The following CFAP97D2 variants were observed in gnomAD, a reference collection of about 807,000 sequenced individuals.
CFAP97D2 encodes the protein CFAP97 domain containing 2.
At position 114,186,711 on chromosome 13, in the gene CFAP97D2, A is replaced by G. The variant is rs1328949094; in HGVS notation, c.90+7291A>G. 6.6e-6 allele frequency among the ~76,000 whole-genome samples: 1 copy of G among 152,240 alleles called. No homozygotes were observed. The highest frequency in any genetic ancestry group is 2.4e-5 in the African/African-American group (1 of 41,464). On this transcript the variant is annotated intron_variant, in intron 1 of 4. Coordinates refer to ENST00000646158, the Ensembl canonical transcript of CFAP97D2. This position sits in a 1 kb window ranked among gnomAD's most constrained non-coding sequence, Gnocchi z 4.3. The stretch of plus-strand genomic sequence containing the variant: ...GCCAACTATGGAAGCTTCTTGCAGT[A>G]TGCCTGGTCCAGGCACAGCCTCGCA...
chr13:114,181,237 C>T (rs1322689213), intron 1 of CFAP97D2, among the ~76,000 whole-genome samples: 1 of 152,174 alleles, frequency 6.6e-6, no homozygotes, highest in East Asian at 1.9e-4. Context: ...TGCTGTTGGG[C>T]ACAGCTGACC....
intron 4 of CFAP97D2, among the ~76,000 whole-genome samples, chr13:114,215,463 G>C (rs963394317): frequency 1.3e-5 from 2 of 152,270 alleles, no homozygotes; most frequent in Middle Eastern, 6.8e-3. Context: ...GCCATACACA[G>C]AAAGGGCTCT....
Position 114,187,346 on chromosome 13 carries a change from T to C in CFAP97D2, c.90+7926T>C, listed in dbSNP as rs943495907. 2.0e-4 allele frequency among the ~76,000 whole-genome samples: 30 copies of C among 148,414 alleles called. No individual in the cohort carries two copies. Among genetic ancestry groups the C allele is most frequent in the African/African-American group, 7.5e-4 (30 of 40,096 alleles). On this transcript the variant is annotated intron_variant, in intron 1 of 4. Coordinates refer to ENST00000646158, the Ensembl canonical transcript of CFAP97D2. The surrounding 1 kb of genome is among the most constrained non-coding windows in gnomAD (Gnocchi z 4.2). ...AACTATATTAATCACTTTGTAAGAG[T>C]AGATTAAAAAAAAAAGGCCCAACTA...
intron 1 of CFAP97D2, among the ~76,000 whole-genome samples, chr13:114,195,094 C>G (rs941254738): frequency 1.3e-5 from 2 of 152,182 alleles, no homozygotes; most frequent in South Asian, 2.1e-4. Context: ...ATCTTGCCAC[C>G]TCCCCGCCCA....
At chr13:114,196,043 A>T (rs1281478124) in intron 1 of CFAP97D2, among the ~76,000 whole-genome samples, 1 of 147,260 alleles carries the variant, frequency 6.8e-6, no homozygotes, top group Non-Finnish European at 1.5e-5. Context: ...AGATTGCGCC[A>T]CTATGCTCCA....
At chr13:114,192,319 T>C (rs2080872674) in intron 1 of CFAP97D2, among the ~76,000 whole-genome samples, 4 of 152,194 alleles carry the variant, frequency 2.6e-5, no homozygotes, top group Admixed American at 2.6e-4. Flanking sequence ...AGGTTATGCA[T>C]GTGTGGATGC....
intron 3 of CFAP97D2, among the ~76,000 whole-genome samples, chr13:114,204,322 C>T (rs187105024): frequency 3.5e-4 from 54 of 152,240 alleles, no homozygotes; most frequent in Non-Finnish European, 6.5e-4. Context: ...GAGCTGTTTG[C>T]GCAGGAGGGC....
chr13:114,210,618 A>C (rs7335160), intron 3 of CFAP97D2, among the ~76,000 whole-genome samples: 42,217 of 151,672 alleles, frequency 0.28, 7,783 homozygotes, highest in East Asian at 0.55. Flanking sequence ...TCTGTCCTCC[A>C]TGGGCAACGT....
intron 3 of CFAP97D2, among the ~76,000 whole-genome samples, chr13:114,201,231 T>A (rs892768744): frequency 6.6e-6 from 1 of 152,218 alleles, no homozygotes; most frequent in African/African-American, 2.4e-5. Flanking sequence ...CATGGCCCTT[T>A]CCCTGTAAGT....
rs1033697759 is a variant in CFAP97D2 at position 114,222,436 on chromosome 13, G to A, written c.481-62G>A. Reference sequence around the variant, plus strand: ...TTGAAATATTCCATTTCCCAAGTAAGTTGATAGTTTCTTGTTCTTGCCTAA... The same window carrying A: ...TTGAAATATTCCATTTCCCAAGTAAATTGATAGTTTCTTGTTCTTGCCTAA... On this transcript the variant is annotated intron_variant, in intron 4 of 4. Transcript: ENST00000646158. The surrounding 1 kb of genome is among the most constrained non-coding windows in gnomAD (Gnocchi z 4.4). The A allele has an allele frequency of 2.5e-6, 1 of 398,456 alleles. No individual in the cohort carries two copies. The highest frequency in any genetic ancestry group is 2.1e-5 in the African/African-American group (1 of 48,640). The allele number at this position is 398,456 out of a possible 1,614,324, so 24.7% of individuals were successfully genotyped here.
intron 1 of CFAP97D2, among the ~76,000 whole-genome samples, chr13:114,188,834 G>A (rs1202380152): frequency 6.8e-6 from 1 of 147,866 alleles, no homozygotes; most frequent in Non-Finnish European, 1.5e-5. Context: ...TAGAAGTAAA[G>A]AAATAATAAA....
intron 1 of CFAP97D2, among the ~76,000 whole-genome samples, chr13:114,182,481 GACCCTTT>G (rs1305530196): frequency 5.9e-5 from 9 of 151,904 alleles, no homozygotes; most frequent in African/African-American, 1.9e-4. Flanking sequence ...CCTCAGCACA[GACCCTTT>G]ACCGGTGTCG....
intron 1 of CFAP97D2, among the ~76,000 whole-genome samples, chr13:114,180,671 T>A (rs117950265): frequency 1.3e-5 from 2 of 152,334 alleles, no homozygotes; most frequent in South Asian, 2.1e-4. Context: ...AGTGAGCACT[T>A]GGTCAACCGT....
intron 3 of CFAP97D2, among the ~76,000 whole-genome samples, chr13:114,206,617 C>A (rs953999321): frequency 3.3e-5 from 5 of 152,142 alleles, no homozygotes; most frequent in Non-Finnish European, 7.3e-5. Flanking sequence ...TGAAACAAAT[C>A]TATAGAAACA....
intron 4 of CFAP97D2, among the ~76,000 whole-genome samples, chr13:114,219,249 G>T (rs2081009112): frequency 6.6e-6 from 1 of 152,030 alleles, no homozygotes; most frequent in Non-Finnish European, 1.5e-5. Context: ...GCATAATTTT[G>T]CATTTTAACC....
chr13:114,181,426 G>A (rs532305674), intron 1 of CFAP97D2, among the ~76,000 whole-genome samples: 3 of 152,166 alleles, frequency 2.0e-5, no homozygotes, highest in South Asian at 2.1e-4. Flanking sequence ...GCCGTCCCAC[G>A]GGGGTAGGGC....
chr13:114,184,801 G>C (rs2080849180), intron 1 of CFAP97D2, among the ~76,000 whole-genome samples: 1 of 152,118 alleles, frequency 6.6e-6, no homozygotes, highest in Admixed American at 6.5e-5. Flanking sequence ...CATCAGAGCA[G>C]GAATAAGCAA....
intron 1 of CFAP97D2, among the ~76,000 whole-genome samples, chr13:114,183,593 T>G (rs1467087052): frequency 6.6e-6 from 1 of 152,162 alleles, no homozygotes; most frequent in African/African-American, 2.4e-5. Flanking sequence ...GATTGCTCCT[T>G]GTTGCTGCAT....
chr13:114,199,743 G>T (rs373672873), intron 2 of CFAP97D2: 50 of 145,054 alleles, frequency 3.4e-4, no homozygotes, highest in Non-Finnish European at 7.1e-4. Context: ...GCGCGTCCCC[G>T]TGCGTACGGT....
Sources: allele counts gnomAD v4.1 joint callset (sites outside exome capture counted in the v4.1 genomes callset), GRCh38; gene constraint gnomAD v4.1.1; non-coding constraint Gnocchi (gnomAD v3.1); transcripts MANE v1.5; gene names NCBI Gene and HGNC (gene_info 2026-07-23, HGNC 2026-07-21).